ANKRD31: variants seen among roughly 807,000 people sequenced by gnomAD.
ANKRD31 encodes the protein ankyrin repeat domain 31, also known as ankyrin repeat domain-containing protein 31.
In ANKRD31, 147 loss-of-function variants were observed where a neutral mutation model predicts 186.0. That is an observed-to-expected ratio of 0.79 (90% CI 0.69 to 0.91). ANKRD31 has a LOEUF of 0.91. Ranked by LOEUF, ANKRD31 falls within the 40% of genes least tolerant of loss-of-function variation. ANKRD31 has a pLI of 0.00. For synonymous variants in ANKRD31, 673 were observed against 736.4 expected (o/e 0.91, Z 1.39); for missense variants, 1,986 against 2,148.8 (o/e 0.92, Z 1.50).
intron 11 of ANKRD31, among the ~76,000 whole-genome samples, chr5:75,157,888 C>A (rs1752297923): frequency 6.6e-6 from 1 of 152,156 alleles, no homozygotes; most frequent in South Asian, 2.1e-4. Flanking sequence ...AAACTACTCA[C>A]CTGCAAATGT....
intron 24 of ANKRD31, among the ~76,000 whole-genome samples, chr5:75,081,666 T>G (rs1745084533): frequency 1.4e-5 from 2 of 143,820 alleles, no homozygotes. Flanking sequence ...GTGTTTGGGG[T>G]GGGTGGTGGG....
rs547750498 is a variant in ANKRD31 at position 75,137,165 on chromosome 5, TA to T, written c.3876+690del. On this transcript the variant is annotated intron_variant, in intron 17 of 25. Coordinates refer to ENST00000506364, the MANE Select transcript of ANKRD31 (RefSeq NM_001372053.1). Reference sequence around the variant, plus strand: ...TACCCTAGGACTTAAAGTATAATAATAAAAAAAGTAGATACTTTAATTAAAA... The same window carrying T: ...TACCCTAGGACTTAAAGTATAATAATAAAAAAGTAGATACTTTAATTAAAA... 2.8e-4 allele frequency among the ~76,000 whole-genome samples: 43 copies of T among 151,944 alleles called. 1 individual carries two copies. In the East Asian group the frequency reaches 4.8e-3, roughly 17 times the overall value.
chr5:75,132,113 CA>C (rs1749896652), intron 17 of ANKRD31, among the ~76,000 whole-genome samples: 1 of 152,238 alleles, frequency 6.6e-6, no homozygotes, highest in Admixed American at 6.5e-5. Flanking sequence ...TCTTCTCCTC[CA>C]AAGGAACGCA....
chr5:75,146,611 A>C lies in ANKRD31; in HGVS notation c.2800T>G (p.Leu934Val). ...AAACCCATTTCTTTTTTATTTGTTA[A>C]ATTCTCCTTAAAATTATAGTGTTTT... ...GKKHYNFKEN[L>V]TNKKEMGFQQ... Residue 934 changes from leucine (L) to valine (V), a missense_variant, in exon 14 of 26, where the codon TTA becomes GTA. Transcript: ENST00000506364. The C allele has an allele frequency of 6.5e-7, 1 of 1,535,338 alleles. No individual in the cohort carries two copies. The highest frequency in any genetic ancestry group is 8.7e-7 in the Non-Finnish European group (1 of 1,146,086).
intron 1 of ANKRD31, among the ~76,000 whole-genome samples, chr5:75,234,904 A>T (rs1244911355): frequency 6.6e-6 from 1 of 152,082 alleles, no homozygotes; most frequent in Non-Finnish European, 1.5e-5. Flanking sequence ...TATGGATTCA[A>T]CTAAACTATT....
intron 10 of ANKRD31, among the ~76,000 whole-genome samples, chr5:75,181,099 G>A (rs1258144898): frequency 6.6e-6 from 1 of 150,822 alleles, no homozygotes; most frequent in Non-Finnish European, 1.5e-5. Flanking sequence ...CTTCTCAAAA[G>A]AAGACATTTA....
At position 75,091,270 on chromosome 5, in the gene ANKRD31, A is replaced by G; in HGVS notation, c.5463T>C (p.Ala1821=). Residue 1821 remains alanine, a synonymous_variant, in exon 23 of 26, where the codon GCT becomes GCC. Coordinates refer to ENST00000506364, the MANE Select transcript of ANKRD31 (RefSeq NM_001372053.1). ...GGNSYVTWNY[A]WSKVTYLGKE... is the part of the protein sequence containing the mutation. ...CTTAAGAATGACCCACCTTACTCCAAGCATAATTCCAGGTCACATAACTGT... is the reference window on the plus strand; with the variant it reads ...CTTAAGAATGACCCACCTTACTCCAGGCATAATTCCAGGTCACATAACTGT... The G allele has an allele frequency of 6.5e-7, 1 of 1,535,938 alleles. No individual in the cohort carries two copies. Among genetic ancestry groups the G allele is most frequent in the Non-Finnish European group, 8.7e-7 (1 of 1,146,600 alleles).
In ANKRD31 at chr5:75,104,392, C is replaced by T; in HGVS notation, c.5167G>A (p.Asp1723Asn). ...KKSVSVVPCA[D>N]DSQISSSSGS... The stretch of plus-strand genomic sequence containing the variant: ...GAGGAAGAGGAGATCTGACTGTCAT[C>T]TGCACATGGAACAACAGAAACTGAT... Residue 1723 changes from aspartate to asparagine, a missense_variant, in exon 22 of 26, where the codon GAT (aspartate) becomes AAT (asparagine). Asp to Asn is a conservative substitution (Grantham distance 23, BLOSUM62 1). Transcript: ENST00000506364. The T allele has an allele frequency of 6.5e-7, 1 of 1,537,164 alleles. No homozygotes were observed. Among genetic ancestry groups the T allele is most frequent in the Non-Finnish European group, 8.7e-7 (1 of 1,146,886 alleles).
intron 22 of ANKRD31, among the ~76,000 whole-genome samples, chr5:75,098,712 T>C (rs1386192857): frequency 6.6e-6 from 1 of 152,248 alleles, no homozygotes; most frequent in Non-Finnish European, 1.5e-5. Flanking sequence ...GGGAGTTCAC[T>C]CATGATTTGG....
chr5:75,098,375 G>A (rs528136707), intron 22 of ANKRD31, among the ~76,000 whole-genome samples: 5 of 152,242 alleles, frequency 3.3e-5, no homozygotes, highest in East Asian at 3.9e-4. Flanking sequence ...GATGCCTCCA[G>A]CTTTGTTCTT....
At chr5:75,228,781 C>T (rs1356931285) in intron 2 of ANKRD31, among the ~76,000 whole-genome samples, 1 of 151,950 alleles carries the variant, frequency 6.6e-6, no homozygotes, top group Non-Finnish European at 1.5e-5. Context: ...AATAAAAAAA[C>T]TTGGTTGGAA....
chr5:75,090,855 AT>A (rs1319723804), intron 23 of ANKRD31, among the ~76,000 whole-genome samples: 24 of 152,300 alleles, frequency 1.6e-4, no homozygotes, highest in Non-Finnish European at 8.8e-5. Context: ...TATTTAGGAG[AT>A]TTTGCTTTAC....
At chr5:75,206,829 C>A (rs1050059125) in intron 4 of ANKRD31, among the ~76,000 whole-genome samples, 2 of 152,110 alleles carry the variant, frequency 1.3e-5, no homozygotes, top group African/African-American at 2.4e-5. Flanking sequence ...CGTAGTTTTT[C>A]TATCTACATC....
At chr5:75,086,696 GGT>G (rs1745509333) in intron 23 of ANKRD31, among the ~76,000 whole-genome samples, 1 of 152,214 alleles carries the variant, frequency 6.6e-6, no homozygotes, top group Non-Finnish European at 1.5e-5. Flanking sequence ...GATATCTGTA[GGT>G]TGTTGTGTTC....
chr5:75,192,703 G>T lies in ANKRD31; in HGVS notation c.1372C>A (p.Gln458Lys). 1 of 1,533,658 alleles carries T rather than the reference G, an allele frequency of 6.5e-7. No individual in the cohort carries two copies. Among genetic ancestry groups the T allele is most frequent in the Non-Finnish European group, 8.7e-7 (1 of 1,145,200 alleles). ...GAAAATTGTTCATTTTTCCTGATCTGTTTTCCATTCTTGAACCTTGCTGAA... is the reference window on the plus strand; with the variant it reads ...GAAAATTGTTCATTTTTCCTGATCTTTTTTCCATTCTTGAACCTTGCTGAA... ...MHSARFKNGK[Q>K]IRKNEQFSGK... The change falls in exon 9 of 26, where the codon CAG becomes AAG. Residue 458 changes from glutamine to lysine, a missense_variant. By Grantham distance (53) the Gln-to-Lys change is moderately conservative (BLOSUM62 1). Transcript: ENST00000506364.
intron 6 of ANKRD31, among the ~76,000 whole-genome samples, chr5:75,198,349 G>C (rs1471369205): frequency 6.6e-6 from 1 of 152,114 alleles, no homozygotes; most frequent in African/African-American, 2.4e-5. Context: ...TCAGGCAGCA[G>C]GCCCATTTGC....
chr5:75,129,846 G>C (rs868518517), intron 17 of ANKRD31, among the ~76,000 whole-genome samples: 1 of 152,198 alleles, frequency 6.6e-6, no homozygotes, highest in Non-Finnish European at 1.5e-5. Flanking sequence ...ACTTTACCCA[G>C]GAAGTGCAAG....
Position 75,144,057 on chromosome 5 carries a change from T to C in ANKRD31, c.3539A>G (p.Lys1180Arg), listed in dbSNP as rs757942158. 476 of 397,580 alleles carry C rather than the reference T, an allele frequency of 1.2e-3. 2 individuals carry two copies. The highest frequency in any genetic ancestry group is 1.3e-3 in the Non-Finnish European group (282 of 225,408). The allele number at this position is 397,580 out of a possible 1,614,324, so 24.6% of individuals were successfully genotyped here. A position where few individuals can be genotyped will look rare whatever the true frequency, so the allele number is the denominator to read the frequency against. ...TCTTTTTCTGAAATTCTGAACTGTT[T>C]TGTGTTCTTGGCTATTAGTAGGCAT... is the stretch of plus-strand genomic sequence containing the variant. The part of the protein sequence containing the change: ...IHMPTNSQEH[K>R]TVQNFRKRQS... The change falls in exon 15 of 26, where the codon AAA becomes AGA. Residue 1180 changes from lysine to arginine, a missense_variant. Coordinates refer to ENST00000506364, the MANE Select transcript of ANKRD31 (RefSeq NM_001372053.1).
intron 17 of ANKRD31, among the ~76,000 whole-genome samples, chr5:75,121,255 TATA>T (rs1408948050): frequency 1.3e-5 from 2 of 151,050 alleles, no homozygotes; most frequent in African/African-American, 2.4e-5. Flanking sequence ...AACAAAAGGT[TATA>T]ATAATATTAA....
Sources: gnomAD v4.1 joint callset for allele counts (sites outside exome capture counted in the v4.1 genomes callset) on GRCh38, gnomAD v4.1.1 for gene constraint, MANE v1.5 for transcripts, NCBI Gene and HGNC (gene_info 2026-07-23, HGNC 2026-07-21) for gene names.